Variants in CMIP observed in about 807,000 individuals in gnomAD.
CMIP encodes C-Maf-inducing protein.
Under a neutral mutation model 97.3 loss-of-function variants are expected in CMIP, and 13 were observed. The observed-to-expected ratio is 0.13, with a 90% CI of 0.09 to 0.21. The LOEUF is 0.21. CMIP is among the 10% of genes least tolerant of loss of function. The probability of loss-of-function intolerance (pLI) is 1.00; values close to 1 mark genes in which losing one functional copy is unlikely to be tolerated. For missense variants in CMIP, 847 were observed against 1,024.9 expected (o/e 0.83, Z 2.37); for synonymous variants, 538 against 436.3 (o/e 1.23, Z -2.91).
intron 3 of CMIP, chr16:81,632,185 A>C (rs892586336): frequency 1.3e-5 from 2 of 152,174 alleles, no homozygotes; most frequent in African/African-American, 4.8e-5. Flanking sequence ...CTTTCCAGCC[A>C]GTTCCTTGTC....
At chr16:81,606,502 G>A (rs559098443) in intron 1 of CMIP, among the ~76,000 whole-genome samples, 20 of 152,262 alleles carry the variant, frequency 1.3e-4, no homozygotes, top group Non-Finnish European at 2.9e-4. Flanking sequence ...GCCTTCTCGG[G>A]ACAGCAAGAC....
intron 2 of CMIP, chr16:81,618,830 C>A (rs1174442877): frequency 6.6e-6 from 1 of 152,244 alleles, no homozygotes; most frequent in Non-Finnish European, 1.5e-5. Context: ...TTTGCACGTG[C>A]CAGGCACCGT....
chr16:81,701,880 C>G, intron 16 of CMIP, 80 bp downstream of exon 16: 4 of 1,557,788 alleles, frequency 2.6e-6, no homozygotes, highest in Non-Finnish European at 3.5e-6. Context: ...GCAGCTAGTA[C>G]TTGGACCTGA....
At chr16:81,503,348 C>G (rs777567235) in intron 1 of CMIP, among the ~76,000 whole-genome samples, 3 of 152,158 alleles carry the variant, frequency 2.0e-5, no homozygotes, top group Non-Finnish European at 4.4e-5. Flanking sequence ...TCCCTGGTCT[C>G]AGTGGATCAC....
chr16:81,554,431 T>C (rs1424039594), intron 1 of CMIP, among the ~76,000 whole-genome samples: 1 of 152,234 alleles, frequency 6.6e-6, no homozygotes, highest in Admixed American at 6.5e-5. Flanking sequence ...CAGAACTGTG[T>C]GCCCTGGCAG....
At chr16:81,667,786 G>GAA (rs1376660840) in intron 7 of CMIP, among the ~76,000 whole-genome samples, 1 of 126,518 alleles carries the variant, frequency 7.9e-6, no homozygotes, top group African/African-American at 3.1e-5. Context: ...GAGAGAGAGA[G>GAA]AGAGAGAGAG....
chr16:81,472,609 C>T (rs1243323399), intron 1 of CMIP, among the ~76,000 whole-genome samples: 1 of 152,198 alleles, frequency 6.6e-6, no homozygotes, highest in African/African-American at 2.4e-5. Context: ...GGGGGTGGCA[C>T]CCGCAAATGT....
At chr16:81,469,148 T>C (rs1907378419) in intron 1 of CMIP, among the ~76,000 whole-genome samples, 1 of 152,232 alleles carries the variant, frequency 6.6e-6, no homozygotes, top group African/African-American at 2.4e-5. Flanking sequence ...TCCCTCAACC[T>C]TTGACGTTGG....
intron 1 of CMIP, among the ~76,000 whole-genome samples, chr16:81,460,832 T>C (rs549803865): frequency 6.7e-4 from 102 of 152,226 alleles, no homozygotes; most frequent in Admixed American, 1.4e-3. Context: ...AGCAAAATGG[T>C]GGTGGTGATG....
In CMIP at chr16:81,557,293, G is replaced by A. The variant is rs371741485; in HGVS notation, c.301-50274G>A. 1.9e-3 allele frequency among the ~76,000 whole-genome samples: 282 copies of A among 146,848 alleles called. 1 individual carries two copies. Among genetic ancestry groups the A allele is most frequent in the African/African-American group, 6.3e-3 (258 of 40,760 alleles). Reference sequence around the variant, plus strand: ...AAATGCATGTTGGTTGAATTCACTCGTGTTGGTTGAATTTACTGATGTTGG... The same window carrying A: ...AAATGCATGTTGGTTGAATTCACTCATGTTGGTTGAATTTACTGATGTTGG... On this transcript the variant is annotated intron_variant, in intron 1 of 20. Transcript: ENST00000537098.
At chr16:81,669,437 CCT>C (rs1320879898) in intron 7 of CMIP, among the ~76,000 whole-genome samples, 2 of 123,538 alleles carry the variant, frequency 1.6e-5, no homozygotes, top group East Asian at 2.6e-4. Flanking sequence ...CTTCCACACC[CCT>C]CTCACCTCCT....
intron 1 of CMIP, among the ~76,000 whole-genome samples, chr16:81,530,700 C>T (rs1227335283): frequency 6.6e-6 from 1 of 152,158 alleles, no homozygotes; most frequent in Non-Finnish European, 1.5e-5. Context: ...TCCGAGGCTT[C>T]TGTGTCACCG....
chr16:81,489,390 A>G (rs2089370340), intron 1 of CMIP, among the ~76,000 whole-genome samples: 1 of 152,218 alleles, frequency 6.6e-6, no homozygotes, highest in Non-Finnish European at 1.5e-5. Context: ...GGAAAGGAGT[A>G]CCACAATACA....
At chr16:81,496,291 G>T (rs1331427577) in intron 1 of CMIP, among the ~76,000 whole-genome samples, 1 of 152,200 alleles carries the variant, frequency 6.6e-6, no homozygotes, top group Non-Finnish European at 1.5e-5. Context: ...TGTCGTGCCT[G>T]TTGTGTGCTC....
At chr16:81,553,418 A>G (rs1443235268) in intron 1 of CMIP, among the ~76,000 whole-genome samples, 3 of 152,144 alleles carry the variant, frequency 2.0e-5, no homozygotes, top group Non-Finnish European at 4.4e-5. Flanking sequence ...GCACTGGGGG[A>G]AGCGCTGGCC....
At chr16:81,492,928 C>T (rs908678940) in intron 1 of CMIP, among the ~76,000 whole-genome samples, 37 of 151,892 alleles carry the variant, frequency 2.4e-4, no homozygotes, top group Non-Finnish European at 2.5e-4. Flanking sequence ...GAGAAGGGAG[C>T]GGCCGAAGAG....
intron 1 of CMIP, among the ~76,000 whole-genome samples, chr16:81,462,927 G>A (rs769919932): frequency 1.3e-5 from 2 of 152,232 alleles, no homozygotes; most frequent in African/African-American, 2.4e-5. Context: ...GATGACCAAC[G>A]ATTAAAGAAT....
rs990318393 is a variant in CMIP at position 81,453,599 on chromosome 16, G to A, written c.300+8058G>A. ...GACCCTGTTTACCAACACACACACC[G>A]GTGCGAGGCTCTGCAGGGAAGGAGA... On this transcript the variant is annotated intron_variant, in intron 1 of 20. Transcript: ENST00000537098. This position sits in a 1 kb window ranked among gnomAD's most constrained non-coding sequence, Gnocchi z 4.0. 1.3e-5 allele frequency among the ~76,000 whole-genome samples: 2 copies of A among 152,202 alleles called. No individual in the cohort carries two copies. Among genetic ancestry groups the A allele is most frequent in the African/African-American group, 2.4e-5 (1 of 41,450 alleles).
chr16:81,456,354 A>T (rs1455596506), intron 1 of CMIP, among the ~76,000 whole-genome samples: 3 of 152,184 alleles, frequency 2.0e-5, no homozygotes, highest in South Asian at 2.1e-4. Context: ...AGACCTCAAG[A>T]GTTCAAGGTT....
Sources: allele counts gnomAD v4.1 joint callset (sites outside exome capture counted in the v4.1 genomes callset), GRCh38; gene constraint gnomAD v4.1.1; non-coding constraint Gnocchi (gnomAD v3.1); transcripts MANE v1.5; gene names NCBI Gene and HGNC (gene_info 2026-07-23, HGNC 2026-07-21).